The following DAB1 variants were observed in gnomAD, a reference collection of about 807,000 sequenced individuals.
DAB1 encodes DAB adaptor protein 1.
DAB1 carries 15 observed loss-of-function variants against 64.6 expected under a neutral mutation model. The ratio of observed to expected loss-of-function variants is 0.23; its 90% CI spans 0.16 to 0.36. The LOEUF (loss-of-function observed/expected upper bound fraction) is 0.36. DAB1 is among the 10% of genes least tolerant of loss of function. DAB1 has a pLI of 1.00. For missense variants in DAB1, 596 were observed against 706.7 expected, an observed-to-expected ratio of 0.84 and a Z score of 1.78; for synonymous variants, 235 against 251.9, an observed-to-expected ratio of 0.93 and a Z score of 0.64.
intron 5 of DAB1, among the ~76,000 whole-genome samples, chr1:58,104,757 A>G (rs1161777897): frequency 6.6e-6 from 1 of 152,238 alleles, no homozygotes; most frequent in Non-Finnish European, 1.5e-5. Context: ...AATTAAATGA[A>G]AAATTAATAG....
intron 6 of DAB1, among the ~76,000 whole-genome samples, chr1:57,701,549 A>T (rs545501549): frequency 3.2e-4 from 48 of 151,672 alleles, no homozygotes; most frequent in African/African-American, 1.2e-3. Flanking sequence ...CACCAGGGGT[A>T]GGGGGAGGAG....
chr1:57,146,518 A>G (rs909364610), intron 2 of DAB1, among the ~76,000 whole-genome samples: 6 of 151,816 alleles, frequency 4.0e-5, no homozygotes, highest in African/African-American at 1.5e-4. Flanking sequence ...GTTTCCCTCT[A>G]TCTACAGATG....
intron 3 of DAB1, among the ~76,000 whole-genome samples, chr1:58,418,233 A>G (rs1401997660): frequency 1.3e-5 from 2 of 152,230 alleles, no homozygotes; most frequent in Non-Finnish European, 2.9e-5. Context: ...CTAATTTATC[A>G]GGAATTGCTA....
At chr1:57,137,767 T>C (rs1006553167) in intron 3 of DAB1, among the ~76,000 whole-genome samples, 1 of 152,174 alleles carries the variant, frequency 6.6e-6, no homozygotes, top group Non-Finnish European at 1.5e-5. Flanking sequence ...AAAAGTACTA[T>C]GTGCTATTCT....
chr1:57,220,093 C>T (rs1359316615), intron 2 of DAB1, among the ~76,000 whole-genome samples: 1 of 152,198 alleles, frequency 6.6e-6, no homozygotes, highest in East Asian at 1.9e-4. Flanking sequence ...CCAGGGTGAA[C>T]TGTACTGGCC....
chr1:57,151,051 C>T (rs1407389772), intron 2 of DAB1, among the ~76,000 whole-genome samples: 4 of 152,076 alleles, frequency 2.6e-5, no homozygotes, highest in Non-Finnish European at 5.9e-5. Context: ...TGCGGTGAGC[C>T]AGGGCCAATT....
intron 3 of DAB1, among the ~76,000 whole-genome samples, chr1:58,503,001 T>C (rs1645930332): frequency 6.6e-6 from 1 of 152,216 alleles, no homozygotes; most frequent in Non-Finnish European, 1.5e-5. Context: ...TTCTTCCTAC[T>C]CACTAATCAA....
At chr1:57,084,612 C>T (rs114978115) in intron 4 of DAB1, among the ~76,000 whole-genome samples, 2,999 of 152,248 alleles carry the variant, frequency 0.02, 101 homozygotes, top group African/African-American at 0.068. Flanking sequence ...TTAAATTCTA[C>T]GTATTTCGTC....
At chr1:57,983,131 CACAG>C (rs1230990131) in intron 5 of DAB1, among the ~76,000 whole-genome samples, 1 of 152,144 alleles carries the variant, frequency 6.6e-6, no homozygotes, top group Non-Finnish European at 1.5e-5. Context: ...GAAGGCAAAA[CACAG>C]ACAGAGATAA....
intron 5 of DAB1, among the ~76,000 whole-genome samples, chr1:57,936,898 A>G (rs1645034165): frequency 6.6e-6 from 1 of 152,096 alleles, no homozygotes; most frequent in Non-Finnish European, 1.5e-5. Flanking sequence ...TTCTGCTGCC[A>G]GGAGTCTTTG....
intron 5 of DAB1, among the ~76,000 whole-genome samples, chr1:57,982,375 C>T (rs571444798): frequency 6.6e-6 from 1 of 152,312 alleles, no homozygotes; most frequent in African/African-American, 2.4e-5. Flanking sequence ...ATATATTTGA[C>T]ATTAATAGTA....
At chr1:57,300,839 T>C (rs556254569) in intron 1 of DAB1, among the ~76,000 whole-genome samples, 53 of 152,324 alleles carry the variant, frequency 3.5e-4, no homozygotes, top group African/African-American at 1.3e-3. Context: ...ATGTACCATA[T>C]TCCAAAATGC....
intron 7 of DAB1, among the ~76,000 whole-genome samples, chr1:57,438,964 T>C (rs999025619): frequency 3.3e-5 from 5 of 152,110 alleles, no homozygotes; most frequent in East Asian, 1.9e-4. Flanking sequence ...TTCTCAGAGG[T>C]TGACTCCACT....
At chr1:58,281,189 C>T (rs1557721565) in intron 4 of DAB1, among the ~76,000 whole-genome samples, 1 of 152,182 alleles carries the variant, frequency 6.6e-6, no homozygotes, top group African/African-American at 2.4e-5. Flanking sequence ...AAAGGATAGA[C>T]ATTTTATTTC....
intron 5 of DAB1, among the ~76,000 whole-genome samples, chr1:58,097,520 C>CTT (rs139672005): frequency 1.8e-4 from 27 of 148,904 alleles, no homozygotes; most frequent in East Asian, 2.0e-4. Flanking sequence ...TTCAGGAAGC[C>CTT]TTTTTTTTTT....
At chr1:57,644,922 C>T (rs1477139212) in intron 7 of DAB1, among the ~76,000 whole-genome samples, 2 of 152,142 alleles carry the variant, frequency 1.3e-5, no homozygotes, top group Non-Finnish European at 2.9e-5. Context: ...GTTTTTACTG[C>T]TTTGCAGCTT....
chr1:57,891,539 C>T (rs1644314153), intron 5 of DAB1, among the ~76,000 whole-genome samples: 1 of 152,160 alleles, frequency 6.6e-6, no homozygotes, highest in Admixed American at 6.5e-5. Context: ...AATCATGCTA[C>T]TATAAAGACA....
intron 1 of DAB1, among the ~76,000 whole-genome samples, chr1:57,382,053 A>C (rs188990315): frequency 6.6e-6 from 1 of 152,130 alleles, no homozygotes; most frequent in Admixed American, 6.6e-5. Context: ...TGAGGCTGCT[A>C]ATTAAGTCTC....
intron 7 of DAB1, among the ~76,000 whole-genome samples, chr1:57,480,396 T>C (rs1452698741): frequency 6.6e-6 from 1 of 152,186 alleles, no homozygotes. Flanking sequence ...CTACACCTGC[T>C]TGGACTTAAG....
Sources: gnomAD v4.1 joint callset for allele counts (sites outside exome capture counted in the v4.1 genomes callset) on GRCh38, gnomAD v4.1.1 for gene constraint, MANE v1.5 for transcripts, NCBI Gene and HGNC (gene_info 2026-07-23, HGNC 2026-07-21) for gene names.